GNPDA1: variants seen among roughly 807,000 people sequenced by gnomAD.
The protein encoded by GNPDA1 is GNPDA 1.
GNPDA1 carries 24 observed loss-of-function variants against 28.5 expected under a neutral mutation model. The ratio of observed to expected loss-of-function variants is 0.84; its 90% CI spans 0.61 to 1.19. The LOEUF is 1.19. GNPDA1 is among the 50% of genes most tolerant of loss of function. The probability of loss-of-function intolerance (pLI) is 0.00; values close to 1 mark genes in which losing one functional copy is unlikely to be tolerated. For synonymous variants in GNPDA1, 147 were observed against 139.3 expected (o/e 1.06, Z -0.39); for missense variants, 264 against 367.3 (o/e 0.72, Z 2.30).
At chr5:142,012,215 T>C in intron 1 of GNPDA1, 174 bp from the exon 2 acceptor site, 1 of 536,774 alleles carries the variant, frequency 1.9e-6, no homozygotes, top group Non-Finnish European at 3.1e-6. Flanking sequence ...GCCAGTCGTC[T>C]CCACCACCCA....
At position 142,003,526 on chromosome 5, in the gene GNPDA1, G is replaced by A. The variant is rs1046394902; in HGVS notation, c.595-264C>T. Among the ~76,000 whole-genome samples the A allele has an allele frequency of 2.0e-5, 3 of 152,118 alleles. No homozygotes were observed. Among genetic ancestry groups the A allele is most frequent in the African/African-American group, 7.2e-5 (3 of 41,426 alleles). On this transcript the variant is annotated intron_variant, in intron 5 of 6. Transcript: ENST00000311337. This position sits in a 1 kb window ranked among gnomAD's most constrained non-coding sequence, Gnocchi z 4.0. ...CAAAGTTCATGTTCTTGACTACCAC[G>A]TGACAGTGCCTCCAGGTATCTTTGA...
At chr5:142,002,192 A>G in intron 6 of GNPDA1, 63 bp from the exon 7 acceptor site, 1 of 824,956 alleles carries the variant, frequency 1.2e-6, no homozygotes, top group Non-Finnish European at 2.0e-6. Context: ...CTTGATTATC[A>G]ATCATAACAT....
intron 3 of GNPDA1, 45 bp from the exon 4 acceptor site, chr5:142,006,371 G>A: frequency 1.4e-6 from 2 of 1,444,606 alleles, no homozygotes; most frequent in Non-Finnish European, 1.9e-6. Flanking sequence ...CCAAGCCAAA[G>A]CCCCTCTCCT....
rs35952167 is a variant in GNPDA1 at position 142,011,234 on chromosome 5, C to CA, written c.124+677dup. 2.5e-3 allele frequency among the ~76,000 whole-genome samples: 289 copies of CA among 115,522 alleles called. 1 individual carries two copies. Among genetic ancestry groups the CA allele is most frequent in the East Asian group, 5.9e-3 (20 of 3,396 alleles). The allele number at this position is 115,522 out of a possible 152,430, so 75.8% of individuals were successfully genotyped here. A position where few individuals can be genotyped will look rare whatever the true frequency, so the allele number is the denominator to read the frequency against. On this transcript the variant is annotated intron_variant, in intron 2 of 6. Coordinates refer to ENST00000311337, the MANE Select transcript of GNPDA1 (RefSeq NM_005471.5). ...AAAAAGTCTGGACTGCAAGGAAGAC[C>CA]AAAAAAAAAAAAAAAAAGGAAAAAG...
At chr5:142,007,721 T>A (rs899330043) in intron 3 of GNPDA1, 78 bp downstream of exon 3, 18 of 821,838 alleles carry the variant, frequency 2.2e-5, no homozygotes, top group Non-Finnish European at 3.3e-5. Context: ...CCCCGATTCC[T>A]CTCCAGGACT....
intron 5 of GNPDA1, 156 bp downstream of exon 5, chr5:142,004,776 C>A (rs987236362): frequency 5.9e-5 from 30 of 504,244 alleles, no homozygotes; most frequent in Admixed American, 2.5e-4. Context: ...TCCAAAGACG[C>A]AAGAGGAACA....
At chr5:142,006,424 C>T in intron 3 of GNPDA1, 98 bp from the exon 4 acceptor site, 1 of 886,342 alleles carries the variant, frequency 1.1e-6, no homozygotes. Flanking sequence ...AGAGACACTC[C>T]CAGGGGTCTG....
rs1755767659 is a variant in GNPDA1 at position 142,004,999 on chromosome 5, C to T, written c.527G>A (p.Gly176Glu). The change falls in exon 5 of 7, where the codon GGA becomes GAA. Residue 176 changes from glycine (G) to glutamate (E), a missense_variant. Transcript: ENST00000311337. ...CATGGTGGGCACCTTGGTGAGTTCTCCATCGAAGAACCTAGCATTGGCCAG... is the reference window on the plus strand; with the variant it reads ...CATGGTGGGCACCTTGGTGAGTTCTTCATCGAAGAACCTAGCATTGGCCAG... ...TILANARFFD[G>E]ELTKVPTMAL... 5.0e-6 allele frequency: 8 copies of T among 1,613,440 alleles called. No homozygotes were observed. The highest frequency in any genetic ancestry group is 1.3e-5 in the African/African-American group (1 of 75,016).
intron 4 of GNPDA1, 121 bp downstream of exon 4, chr5:142,006,023 G>T: frequency 2.6e-6 from 2 of 765,426 alleles, no homozygotes; most frequent in Non-Finnish European, 4.3e-6. Context: ...CATTTCTCCC[G>T]CCTCTGTCTC....
At chr5:142,002,361 AAAGG>A (rs1200353893) in intron 6 of GNPDA1, among the ~76,000 whole-genome samples, 2 of 152,230 alleles carry the variant, frequency 1.3e-5, no homozygotes, top group Non-Finnish European at 2.9e-5. Context: ...TTGGCTATTT[AAAGG>A]TTAGTCTTTT....
In GNPDA1 at chr5:142,010,165, ATTTT is replaced by A. The variant is rs558622526; in HGVS notation, c.124+1743_124+1746del. On this transcript the variant is annotated intron_variant, in intron 2 of 6. Coordinates refer to ENST00000311337, the MANE Select transcript of GNPDA1 (RefSeq NM_005471.5). ...AGGCCAAATTTGGCCTGCGGCCTTT[ATTTT>A]TTATTTTTTTAGACAGAGTATCGCT... Among the ~76,000 whole-genome samples, 792 of 150,220 alleles carry A rather than the reference ATTTT, an allele frequency of 5.3e-3. 3 individuals are homozygous for A. The highest frequency in any genetic ancestry group is 8.6e-3 in the Non-Finnish European group (582 of 67,972).
At chr5:142,011,234 CAAAAAAA>C (rs35952167) in intron 2 of GNPDA1, among the ~76,000 whole-genome samples, 11 of 115,584 alleles carry the variant, frequency 9.5e-5, no homozygotes, top group East Asian at 2.9e-4. Context: ...CAAGGAAGAC[CAAAAAAA>C]AAAAAAAAAA....
Position 142,003,086 on chromosome 5 carries a change from A to G in GNPDA1, c.769+2T>C. The G allele has an allele frequency of 3.7e-6, 6 of 1,610,912 alleles. No individual in the cohort carries two copies. Among genetic ancestry groups the G allele is most frequent in the Non-Finnish European group, 5.1e-6 (6 of 1,178,176 alleles). ...CTCCTCCTGGACCCACACCTCCCTC[A>G]CCTTTGAAATACTTGACAGTCTTCA... On this transcript the variant is annotated splice_donor_variant, in intron 6 of 6. Coordinates refer to ENST00000311337, the MANE Select transcript of GNPDA1 (RefSeq NM_005471.5). LOFTEE classifies it high-confidence loss of function. This position sits in a 1 kb window ranked among gnomAD's most constrained non-coding sequence, Gnocchi z 4.0.
chr5:142,003,278 C>A lies in GNPDA1; in HGVS notation c.595-16G>T. ...GGATCATCACCTGGGGATCAGAAAA[C>A]AAGTCTGTGATGGAGGGGAGCATTC... On this transcript the variant is annotated splice_polypyrimidine_tract_variant and intron_variant, in intron 5 of 6. Coordinates refer to ENST00000311337, the MANE Select transcript of GNPDA1 (RefSeq NM_005471.5). The surrounding 1 kb of genome is among the most constrained non-coding windows in gnomAD (Gnocchi z 4.0). 1 of 1,591,236 alleles carries A rather than the reference C, an allele frequency of 6.3e-7. No individual in the cohort carries two copies. The highest frequency in any genetic ancestry group is 8.6e-7 in the Non-Finnish European group (1 of 1,162,698).
At chr5:142,011,566 A>G (rs1206038982) in intron 2 of GNPDA1, among the ~76,000 whole-genome samples, 1 of 152,234 alleles carries the variant, frequency 6.6e-6, no homozygotes. Flanking sequence ...TGCAGAGAAG[A>G]GAAATTAATT....
intron 5 of GNPDA1, 197 bp downstream of exon 5, chr5:142,004,735 G>A: frequency 2.2e-6 from 1 of 448,848 alleles, no homozygotes; most frequent in African/African-American, 1.9e-5. Flanking sequence ...GTGCTCAAGG[G>A]ATTCACCTCA....
At chr5:142,007,029 C>T (rs758041876) in intron 3 of GNPDA1, among the ~76,000 whole-genome samples, 1 of 152,024 alleles carries the variant, frequency 6.6e-6, no homozygotes, top group Non-Finnish European at 1.5e-5. Flanking sequence ...CTAGAGTAGT[C>T]AAATTCATAG....
At position 142,005,101 on chromosome 5, in the gene GNPDA1, C is replaced by G; in HGVS notation, c.425G>C (p.Gly142Ala). 1 of 1,606,408 alleles carries G rather than the reference C, an allele frequency of 6.2e-7. No individual in the cohort carries two copies. The highest frequency in any genetic ancestry group is 2.2e-5 in the East Asian group (1 of 44,674). Reference sequence around the variant, plus strand: ...GCCTGGCTCGTTGAAGGCAATGTGTCCATCAGGGCCGATGCCTATAGGGAG... The same window carrying G: ...GCCTGGCTCGTTGAAGGCAATGTGTGCATCAGGGCCGATGCCTATAGGGAG... Reference protein sequence around the residue: ...ELFVGGIGPDGHIAFNEPGSS... With the variant: ...ELFVGGIGPDAHIAFNEPGSS... The change falls in exon 5 of 7, where the codon GGA becomes GCA. Residue 142 changes from glycine (G) to alanine (A), a missense_variant. Coordinates refer to ENST00000311337, the MANE Select transcript of GNPDA1 (RefSeq NM_005471.5).
At chr5:142,002,166 G>T in intron 6 of GNPDA1, 37 bp from the exon 7 acceptor site, 1 of 1,082,154 alleles carries the variant, frequency 9.2e-7, no homozygotes. Context: ...GTTAATTCAG[G>T]CAGTGGCAAG....
Sources: gnomAD v4.1 joint callset for allele counts (sites outside exome capture counted in the v4.1 genomes callset) on GRCh38, gnomAD v4.1.1 for gene constraint, Gnocchi (gnomAD v3.1) non-coding constraint, MANE v1.5 for transcripts, NCBI Gene and HGNC (gene_info 2026-07-23, HGNC 2026-07-21) for gene names.